Variants in EPS8 observed in about 807,000 individuals in gnomAD.
EPS8 encodes the protein epidermal growth factor receptor kinase substrate 8.
Under a neutral mutation model 103.8 loss-of-function variants are expected in EPS8, and 42 were observed. The observed-to-expected ratio is 0.40, with a 90% confidence interval of 0.32 to 0.52. The LOEUF (loss-of-function observed/expected upper bound fraction) is 0.52. Ranked by LOEUF, EPS8 falls within the 20% of genes least tolerant of loss-of-function variation. The pLI is 0.40. For synonymous variants in EPS8, 344 were observed against 344.6 expected (o/e 1.00, Z 0.02); for missense variants, 969 against 1,005.1 (o/e 0.96, Z 0.49).
chr12:15,713,747 T>C lies in EPS8; in HGVS notation c.-21-30775A>G, dbSNP rs974424328. 1.3e-5 allele frequency among the ~76,000 whole-genome samples: 2 copies of C among 152,184 alleles called. No individual in the cohort carries two copies. The highest frequency in any genetic ancestry group is 4.8e-5 in the African/African-American group (2 of 41,446). On this transcript the variant is annotated intron_variant, in intron 1 of 20. Coordinates refer to ENST00000281172, the MANE Select transcript of EPS8 (RefSeq NM_004447.6). The surrounding 1 kb of genome is among the most constrained non-coding windows in gnomAD (Gnocchi z 4.8). The stretch of plus-strand genomic sequence containing the variant: ...GGCTGTCTTCAAAGGTCTATCCTCA[T>C]AGTTAAAAAATGGTGTCGGGGAGGA...
At chr12:15,667,654 T>C (rs1468411720) in intron 6 of EPS8, among the ~76,000 whole-genome samples, 2 of 152,134 alleles carry the variant, frequency 1.3e-5, no homozygotes. Context: ...GCAGGAGCAT[T>C]GCATGAAGTC....
At position 15,714,009 on chromosome 12, in the gene EPS8, A is replaced by G. The variant is rs543828885; in HGVS notation, c.-21-31037T>C. 6.6e-6 allele frequency among the ~76,000 whole-genome samples: 1 copy of G among 152,322 alleles called. No homozygotes were observed. Among genetic ancestry groups the G allele is most frequent in the African/African-American group, 2.4e-5 (1 of 41,588 alleles). ...GAAATCTGTAAAGTATCTAGAAGAA[A>G]CAAACACAAAACTATTTTAAAGTGA... On this transcript the variant is annotated intron_variant, in intron 1 of 20. Transcript: ENST00000281172. This position sits in a 1 kb window ranked among gnomAD's most constrained non-coding sequence, Gnocchi z 4.1.
intron 7 of EPS8, among the ~76,000 whole-genome samples, 158 bp from the exon 8 acceptor site, chr12:15,666,050 G>A (rs1007553787): frequency 6.6e-6 from 1 of 152,188 alleles, no homozygotes; most frequent in African/African-American, 2.4e-5. Flanking sequence ...ATTTATGAAT[G>A]CATATGAAAT....
intron 10 of EPS8, among the ~76,000 whole-genome samples, chr12:15,659,186 G>A (rs879653513): frequency 6.6e-6 from 1 of 152,016 alleles, no homozygotes; most frequent in Non-Finnish European, 1.5e-5. Context: ...GTTAGATTGT[G>A]GATAACCTTG....
chr12:15,779,140 G>A lies in EPS8; in HGVS notation c.-22+10021C>T, dbSNP rs532705572. ...ATTACAGGTATGTGCCTCCAAGCCCGGCTAATTTTGTATTTTTAGTAGAGA... is the reference window on the plus strand; with the variant it reads ...ATTACAGGTATGTGCCTCCAAGCCCAGCTAATTTTGTATTTTTAGTAGAGA... On this transcript the variant is annotated intron_variant, in intron 1 of 20. Transcript: ENST00000281172. This position sits in a 1 kb window ranked among gnomAD's most constrained non-coding sequence, Gnocchi z 4.3. 5.3e-5 allele frequency among the ~76,000 whole-genome samples: 8 copies of A among 152,092 alleles called. 1 individual carries two copies. The highest frequency in any genetic ancestry group is 2.6e-4 in the Admixed American group (4 of 15,272).
At chr12:15,677,762 C>A (rs1325116649) in intron 3 of EPS8, among the ~76,000 whole-genome samples, 2 of 152,088 alleles carry the variant, frequency 1.3e-5, no homozygotes, top group Non-Finnish European at 2.9e-5. Context: ...TGTCTAATAC[C>A]CACCACTGTC....
At position 15,757,522 on chromosome 12, in the gene EPS8, C is replaced by T. The variant is rs1385417816; in HGVS notation, c.-22+31639G>A. 6.6e-6 allele frequency among the ~76,000 whole-genome samples: 1 copy of T among 151,916 alleles called. No homozygotes were observed. The highest frequency in any genetic ancestry group is 2.4e-5 in the African/African-American group (1 of 41,346). ...GCGCATGCCTGTAATCCCAGTTGCT[C>T]AGGAGGCTGAGGCAGGAGAATCGCT... On this transcript the variant is annotated intron_variant, in intron 1 of 20. Transcript: ENST00000281172. The surrounding 1 kb of genome is among the most constrained non-coding windows in gnomAD (Gnocchi z 4.1).
In EPS8 at chr12:15,769,632, A is replaced by G. The variant is rs1947132041; in HGVS notation, c.-22+19529T>C. ...GTATTTATGATTTAAAATAATCTCT[A>G]TATAATTATTCTGCACATCACGAGA... On this transcript the variant is annotated intron_variant, in intron 1 of 20. Transcript: ENST00000281172. This position sits in a 1 kb window ranked among gnomAD's most constrained non-coding sequence, Gnocchi z 4.6. Among the ~76,000 whole-genome samples the G allele has an allele frequency of 6.6e-6, 1 of 152,240 alleles. No homozygotes were observed.
At chr12:15,658,777 T>C (rs185703446) in intron 10 of EPS8, among the ~76,000 whole-genome samples, 192 bp from the exon 11 acceptor site, 1 of 152,200 alleles carries the variant, frequency 6.6e-6, no homozygotes, top group African/African-American at 2.4e-5. Flanking sequence ...GATTGCTCTA[T>C]CCTTAGGCAC....
rs1946298310 is a variant in EPS8 at position 15,700,512 on chromosome 12, C to T, written c.-21-17540G>A. 6.6e-6 allele frequency among the ~76,000 whole-genome samples: 1 copy of T among 152,050 alleles called. No individual in the cohort carries two copies. Among genetic ancestry groups the T allele is most frequent in the Non-Finnish European group, 1.5e-5 (1 of 68,000 alleles). ...TTCTGAAGCAAAATTGGTGTGAAAA[C>T]AGAAACTAATTTAGAAGTATAGAAT... On this transcript the variant is annotated intron_variant, in intron 1 of 20. Transcript: ENST00000281172. This position sits in a 1 kb window ranked among gnomAD's most constrained non-coding sequence, Gnocchi z 5.1.
intron 8 of EPS8, chr12:15,665,154 G>GA (rs562036249): frequency 1.3e-5 from 2 of 152,086 alleles, no homozygotes; most frequent in East Asian, 3.9e-4. Flanking sequence ...CAATCTTTAA[G>GA]AAAAACCTGT....
chr12:15,739,912 T>C lies in EPS8; in HGVS notation c.-22+49249A>G, dbSNP rs77752200. Among the ~76,000 whole-genome samples the C allele has an allele frequency of 8.0e-3, 1,214 of 152,272 alleles. 16 individuals are homozygous for C. Among genetic ancestry groups the C allele is most frequent in the African/African-American group, 0.027 (1,133 of 41,546 alleles). Reference sequence around the variant, plus strand: ...AAAGGTCCCTTGAGGTCACTTTAGATAGTTTTTAATGAGCTTTTAAAAAGC... The same window carrying C: ...AAAGGTCCCTTGAGGTCACTTTAGACAGTTTTTAATGAGCTTTTAAAAAGC... On this transcript the variant is annotated intron_variant, in intron 1 of 20. Transcript: ENST00000281172.
At chr12:15,715,892 A>G (rs1220645335) in intron 1 of EPS8, among the ~76,000 whole-genome samples, 2 of 152,122 alleles carry the variant, frequency 1.3e-5, no homozygotes, top group Non-Finnish European at 2.9e-5. Context: ...GGGAAAAAAA[A>G]AAACACGGCA....
intron 3 of EPS8, among the ~76,000 whole-genome samples, chr12:15,674,303 A>C (rs1176071035): frequency 6.6e-6 from 1 of 152,210 alleles, no homozygotes; most frequent in Non-Finnish European, 1.5e-5. Flanking sequence ...CATTAACAAG[A>C]AAAAAGTAAC....
intron 9 of EPS8, among the ~76,000 whole-genome samples, chr12:15,661,611 T>C (rs1431433389): frequency 6.6e-6 from 1 of 152,214 alleles, no homozygotes; most frequent in African/African-American, 2.4e-5. Context: ...TACAAATCTA[T>C]CCTTTAAAAA....
Position 15,751,219 on chromosome 12 carries a change from G to A in EPS8, c.-22+37942C>T, listed in dbSNP as rs548971360. Among the ~76,000 whole-genome samples the A allele has an allele frequency of 2.6e-5, 4 of 151,992 alleles. No individual in the cohort carries two copies. The highest frequency in any genetic ancestry group is 2.1e-4 in the South Asian group (1 of 4,820). On this transcript the variant is annotated intron_variant, in intron 1 of 20. Coordinates refer to ENST00000281172, the MANE Select transcript of EPS8 (RefSeq NM_004447.6). The surrounding 1 kb of genome is among the most constrained non-coding windows in gnomAD (Gnocchi z 4.3). ...CTAAAAATATAAAAATTAGCCACAC[G>A]TAGTGGTGTGTGCCTGTAATCCCAG...
Position 15,623,284 on chromosome 12 carries a change from A to G in EPS8, c.2229T>C (p.Thr743=), listed in dbSNP as rs1326735809. The G allele has an allele frequency of 3.2e-6, 5 of 1,572,532 alleles. No individual in the cohort carries two copies. The highest frequency in any genetic ancestry group is 1.7e-6 in the Non-Finnish European group (2 of 1,168,154). ...WLQSKGFNPV[T]VNSLGVLNGA... is the part of the protein sequence containing the mutation. ...CATTTAATACTCCAAGACTATTGAC[A>G]GTCCTAAAAAAAAAAAAAGGAAAAA... The change falls in exon 20 of 21, where the codon ACT becomes ACC. Residue 743 remains threonine (T), a synonymous_variant. Coordinates refer to ENST00000281172, the MANE Select transcript of EPS8 (RefSeq NM_004447.6).
rs760098051 is a variant in EPS8 at position 15,669,541 on chromosome 12, A to G, written c.367-5T>C. 1.9e-6 allele frequency: 3 copies of G among 1,587,300 alleles called. No homozygotes were observed. In the South Asian group the frequency reaches 3.4e-5, roughly 18 times the overall value. ...AGGAAAATTCTCCAGTTCATTCTAT[A>G]AATAAAGTGAACATTTTATTTTGTC... is the stretch of plus-strand genomic sequence containing the variant. On this transcript the variant is annotated splice_region_variant and splice_polypyrimidine_tract_variant and intron_variant, in intron 5 of 20. Coordinates refer to ENST00000281172, the MANE Select transcript of EPS8 (RefSeq NM_004447.6).
At chr12:15,710,724 ACT>A (rs1223259372) in intron 1 of EPS8, among the ~76,000 whole-genome samples, 1 of 152,094 alleles carries the variant, frequency 6.6e-6, no homozygotes, top group Non-Finnish European at 1.5e-5. Flanking sequence ...ACACAAACAA[ACT>A]CTAAAAAAAA....
Sources: gnomAD v4.1 joint callset for allele counts (sites outside exome capture counted in the v4.1 genomes callset) on GRCh38, gnomAD v4.1.1 for gene constraint, Gnocchi (gnomAD v3.1) non-coding constraint, MANE v1.5 for transcripts, NCBI Gene and HGNC (gene_info 2026-07-23, HGNC 2026-07-21) for gene names.